CMIP: variants seen among roughly 807,000 people sequenced by gnomAD.
The protein encoded by CMIP is c-Maf inducing protein.
CMIP carries 13 observed loss-of-function variants against 97.3 expected under a neutral mutation model. The ratio of observed to expected loss-of-function variants is 0.13; its 90% CI spans 0.09 to 0.21. The LOEUF (loss-of-function observed/expected upper bound fraction) is 0.21. Ranked by LOEUF, CMIP falls within the 10% of genes least tolerant of loss-of-function variation. CMIP has a pLI of 1.00. For synonymous variants in CMIP, 538 were observed against 436.3 expected, an observed-to-expected ratio of 1.23 and a Z score of -2.91; for missense variants, 847 against 1,024.9, an observed-to-expected ratio of 0.83 and a Z score of 2.37.
intron 1 of CMIP, among the ~76,000 whole-genome samples, chr16:81,521,887 T>C (rs2090035373): frequency 6.6e-6 from 1 of 152,240 alleles, no homozygotes; most frequent in Non-Finnish European, 1.5e-5. Context: ...GTATCCTATA[T>C]CTTACAGATA....
chr16:81,457,654 A>G (rs1253414710), intron 1 of CMIP, among the ~76,000 whole-genome samples: 1 of 152,214 alleles, frequency 6.6e-6, no homozygotes, highest in Non-Finnish European at 1.5e-5. Context: ...CATTCATTTA[A>G]TCATCACACC....
intron 1 of CMIP, among the ~76,000 whole-genome samples, chr16:81,534,760 A>G (rs2090309246): frequency 1.3e-5 from 2 of 152,216 alleles, no homozygotes; most frequent in South Asian, 4.1e-4. Context: ...CTTCCCTCCA[A>G]ATAGTTAATG....
At chr16:81,619,676 G>A (rs1390884808) in intron 2 of CMIP, 2 of 152,266 alleles carry the variant, frequency 1.3e-5, no homozygotes, top group African/African-American at 4.8e-5. Flanking sequence ...GAATGGTCCG[G>A]TGTTGTGGTT....
rs372975039 is a variant in CMIP, at chr16:81,696,681, C to T, written c.1638+14C>T. On this transcript the variant is annotated intron_variant, in intron 14 of 20. Coordinates refer to ENST00000537098, the MANE Select transcript of CMIP (RefSeq NM_198390.3). ...TTCGCCAGCATGGTACGCAGTGGGA[C>T]CCCAGTGGGGTGACTTCCAGGGGTC... is the stretch of plus-strand genomic sequence containing the variant. 6 of 1,601,588 alleles carry T rather than the reference C, an allele frequency of 3.7e-6. No homozygotes were observed. In the African/African-American group the frequency reaches 8.0e-5, roughly 21 times the overall value.
chr16:81,458,345 G>T (rs760232409), intron 1 of CMIP, among the ~76,000 whole-genome samples: 1 of 152,168 alleles, frequency 6.6e-6, no homozygotes, highest in South Asian at 2.1e-4. Context: ...CTTGGTGAAG[G>T]GGGGTAGGGG....
intron 3 of CMIP, chr16:81,651,425 A>C: frequency 2.1e-6 from 2 of 975,340 alleles, no homozygotes; most frequent in Non-Finnish European, 2.4e-6. Context: ...CGCCCAAGCA[A>C]AGGTGAGAGC....
In CMIP at chr16:81,542,664, C is replaced by T. The variant is rs558786710; in HGVS notation, c.301-64903C>T. ...CTGGCTGGGTTTGGGTGAGGGCCCTCTTCCTGGCTTGCAGACAGCCACCTT... is the reference window on the plus strand; with the variant it reads ...CTGGCTGGGTTTGGGTGAGGGCCCTTTTCCTGGCTTGCAGACAGCCACCTT... On this transcript the variant is annotated intron_variant, in intron 1 of 20. Coordinates refer to ENST00000537098, the MANE Select transcript of CMIP (RefSeq NM_198390.3). Among the ~76,000 whole-genome samples, 7 of 152,074 alleles carry T rather than the reference C, an allele frequency of 4.6e-5. No individual in the cohort carries two copies. The South Asian group carries it at 1.5e-3, about 32-fold the overall frequency.
At chr16:81,476,336 A>C (rs1013274950) in intron 1 of CMIP, 1 of 1,431,132 alleles carries the variant, frequency 7.0e-7, no homozygotes, top group African/African-American at 1.4e-5. Context: ...CCACCCTGAT[A>C]CATAAACCCT....
intron 1 of CMIP, among the ~76,000 whole-genome samples, chr16:81,458,418 G>A (rs1298971746): frequency 6.6e-6 from 1 of 152,144 alleles, no homozygotes; most frequent in Non-Finnish European, 1.5e-5. Context: ...GGTAAGCAGG[G>A]CACCCTCTCT....
intron 2 of CMIP, among the ~76,000 whole-genome samples, chr16:81,613,772 C>A (rs913958349): frequency 6.6e-6 from 1 of 152,080 alleles, no homozygotes. Flanking sequence ...TATATGAATG[C>A]CCCATTCATC....
At chr16:81,598,934 A>C (rs910095978) in intron 1 of CMIP, among the ~76,000 whole-genome samples, 1 of 139,046 alleles carries the variant, frequency 7.2e-6, no homozygotes, top group African/African-American at 2.8e-5. Flanking sequence ...ATGCCAGTGT[A>C]CTCCAGCCTG....
At chr16:81,523,203 A>G (rs906607504) in intron 1 of CMIP, among the ~76,000 whole-genome samples, 1 of 152,184 alleles carries the variant, frequency 6.6e-6, no homozygotes, top group African/African-American at 2.4e-5. Context: ...TCCAGGTGTG[A>G]GCTACCGCGC....
chr16:81,557,156 C>T (rs2090779650), intron 1 of CMIP, among the ~76,000 whole-genome samples: 1 of 152,182 alleles, frequency 6.6e-6, no homozygotes, highest in East Asian at 1.9e-4. Context: ...GTCTTTTCAG[C>T]TTTTCGGTAA....
At chr16:81,537,565 A>G (rs993779776) in intron 1 of CMIP, among the ~76,000 whole-genome samples, 1 of 147,940 alleles carries the variant, frequency 6.8e-6, no homozygotes, top group Non-Finnish European at 1.5e-5. Context: ...AAAAAAAAAA[A>G]AAAAAAGACC....
intron 1 of CMIP, among the ~76,000 whole-genome samples, chr16:81,584,110 T>C (rs921497608): frequency 2.0e-5 from 3 of 150,714 alleles, no homozygotes; most frequent in Non-Finnish European, 4.4e-5. Flanking sequence ...AGAAGTGGAG[T>C]TGGAGTGTGG....
chr16:81,606,735 A>G (rs1316304972), intron 1 of CMIP, among the ~76,000 whole-genome samples: 3 of 152,202 alleles, frequency 2.0e-5, no homozygotes, highest in Non-Finnish European at 4.4e-5. Context: ...ATAATGACAC[A>G]GAATAAAGCC....
Position 81,679,475 on chromosome 16 carries a change from G to A in CMIP, c.1388+847G>A, listed in dbSNP as rs974402251. The stretch of plus-strand genomic sequence containing the variant: ...GCCATGCATGCCGTGTGTCTTTGGG[G>A]TGTGAGTATCTGTGCATATGCATGT... On this transcript the variant is annotated intron_variant, in intron 10 of 20. Transcript: ENST00000537098. Among the ~76,000 whole-genome samples the A allele has an allele frequency of 2.6e-5, 4 of 152,246 alleles. No individual in the cohort carries two copies. The East Asian group carries it at 7.7e-4, about 29-fold the overall frequency.
chr16:81,528,863 G>T (rs1020147054), intron 1 of CMIP, among the ~76,000 whole-genome samples: 1 of 152,062 alleles, frequency 6.6e-6, no homozygotes. Flanking sequence ...TTTGGTGAGC[G>T]CGATTTTTTT....
intron 1 of CMIP, among the ~76,000 whole-genome samples, chr16:81,555,350 C>T (rs1284018888): frequency 3.3e-5 from 5 of 152,152 alleles, no homozygotes; most frequent in Admixed American, 3.3e-4. Flanking sequence ...TGGGAGTCCC[C>T]AAGTGACATC....
Sources: allele counts gnomAD v4.1 joint callset (sites outside exome capture counted in the v4.1 genomes callset), GRCh38; gene constraint gnomAD v4.1.1; transcripts MANE v1.5; gene names NCBI Gene and HGNC (gene_info 2026-07-23, HGNC 2026-07-21).